KLHDC2: variants seen among roughly 807,000 people sequenced by gnomAD.
The protein encoded by KLHDC2 is kelch domain containing 2.
Under a neutral mutation model 62.3 loss-of-function variants are expected in KLHDC2, and 38 were observed. That is an observed-to-expected ratio of 0.61 (90% CI 0.47 to 0.80). The LOEUF (loss-of-function observed/expected upper bound fraction) is 0.80. Ranked by LOEUF, KLHDC2 falls within the 30% of genes least tolerant of loss-of-function variation. KLHDC2 has a pLI of 0.00. For missense variants in KLHDC2, 430 were observed against 495.3 expected, an observed-to-expected ratio of 0.87 and a Z score of 1.25; for synonymous variants, 159 against 161.0, an observed-to-expected ratio of 0.99 and a Z score of 0.09.
At chr14:49,774,723 T>C (rs1414987381) in intron 3 of KLHDC2, 45 bp downstream of exon 3, 14 of 1,173,120 alleles carry the variant, frequency 1.2e-5, no homozygotes, top group East Asian at 2.3e-5. Flanking sequence ...TTTATTCTTA[T>C]TATCTTTCAA....
At chr14:49,774,495 G>T in intron 2 of KLHDC2, 66 bp from the exon 3 acceptor site, 1 of 1,013,212 alleles carries the variant, frequency 9.9e-7, no homozygotes, top group Non-Finnish European at 1.6e-6. Context: ...AGTAGAAGAA[G>T]AAAAATTAAT....
intron 3 of KLHDC2, among the ~76,000 whole-genome samples, chr14:49,775,336 G>A (rs1271341490): frequency 1.3e-5 from 2 of 152,180 alleles, no homozygotes; most frequent in African/African-American, 4.8e-5. Context: ...GCTGGACACT[G>A]GAGACAGAAA....
chr14:49,768,297 G>A lies in KLHDC2; in HGVS notation c.-172G>A. ...CCGGCGGCGGCGGAGAGCCGTCCTC[G>A]GCCGAGGAGGCTGGGAAACGCGAGC... On this transcript the variant is annotated 5_prime_UTR_variant, in exon 1 of 13. Coordinates refer to ENST00000298307, the MANE Select transcript of KLHDC2 (RefSeq NM_014315.3). 3.0e-6 allele frequency: 2 copies of A among 669,192 alleles called. No homozygotes were observed. Among genetic ancestry groups the A allele is most frequent in the Non-Finnish European group, 4.7e-6 (2 of 425,718 alleles). The allele number at this position is 669,192 out of a possible 1,614,324, so 41.5% of individuals were successfully genotyped here. A position where few individuals can be genotyped will look rare whatever the true frequency, so the allele number is the denominator to read the frequency against.
In KLHDC2 at chr14:49,777,858, G is replaced by T; in HGVS notation, c.371G>T (p.Arg124Met). The T allele has an allele frequency of 6.3e-7, 1 of 1,591,534 alleles. No individual in the cohort carries two copies. The highest frequency in any genetic ancestry group is 8.6e-7 in the Non-Finnish European group (1 of 1,168,530). Residue 124 changes from arginine (R) to methionine (M), a missense_variant, in exon 4 of 13, where the codon AGG becomes ATG. By Grantham distance (91) the Arg-to-Met change is moderately conservative. Coordinates refer to ENST00000298307, the MANE Select transcript of KLHDC2 (RefSeq NM_014315.3). The part of the protein sequence containing the change: ...NTNKFYMLDS[R>M]STDRVLQWER... ...TGACAGTTCTACATGCTGGATTCAA[G>T]GTCTACAGACAGAGTGTTACAGTGG...
intron 6 of KLHDC2, 67 bp downstream of exon 6, chr14:49,778,561 G>GGGGGGGGGGGGTGGGGA: frequency 3.4e-6 from 1 of 297,528 alleles, no homozygotes; most frequent in Non-Finnish European, 7.1e-6. Flanking sequence ...TGGGGTAGGG[G>GGGGGGGGGGGGTGGGGA]AGAGGGGTGC....
rs1453554261 is a variant in KLHDC2, at chr14:49,782,394, C to A, written c.981C>A (p.Ser327Arg). The A allele has an allele frequency of 6.2e-7, 1 of 1,612,270 alleles. No individual in the cohort carries two copies. Among genetic ancestry groups the A allele is most frequent in the Non-Finnish European group, 8.5e-7 (1 of 1,178,686 alleles). Residue 327 changes from serine (S) to arginine (R), a missense_variant, in exon 11 of 13, where the codon AGC becomes AGA. Transcript: ENST00000298307. ...KPRLWHTACA[S>R]DEGEVIVFGG... ...GGTTATGGCACACAGCTTGTGCCAG[C>A]GATGAAGGAGAAGTAATTGTTTTTG...
chr14:49,772,197 G>A (rs1889678947), intron 2 of KLHDC2, among the ~76,000 whole-genome samples: 1 of 151,964 alleles, frequency 6.6e-6, no homozygotes, highest in African/African-American at 2.4e-5. Flanking sequence ...AGATGTAGAG[G>A]CTTCAGATCC....
intron 2 of KLHDC2, among the ~76,000 whole-genome samples, chr14:49,773,603 G>C (rs1396514976): frequency 3.8e-5 from 5 of 132,318 alleles, no homozygotes; most frequent in Non-Finnish European, 7.8e-5. Flanking sequence ...ATGAGAGGGA[G>C]TCTCACTCTG....
chr14:49,778,103 G>A, intron 4 of KLHDC2, 75 bp from the exon 5 acceptor site: 1 of 1,022,064 alleles, frequency 9.8e-7, no homozygotes, highest in Non-Finnish European at 1.5e-6. Context: ...ATTTAACACA[G>A]CACCTAAGAT....
intron 2 of KLHDC2, among the ~76,000 whole-genome samples, chr14:49,772,501 AGTC>A (rs1420684343): frequency 2.6e-5 from 4 of 152,254 alleles, no homozygotes; most frequent in African/African-American, 9.6e-5. Context: ...TAACAGTAGT[AGTC>A]AAGAGCATGT....
At chr14:49,773,644 T>G (rs1290817941) in intron 2 of KLHDC2, among the ~76,000 whole-genome samples, 1 of 145,924 alleles carries the variant, frequency 6.9e-6, no homozygotes, top group Non-Finnish European at 1.5e-5. Flanking sequence ...TGGCGCAATC[T>G]CGACTCGCTG....
chr14:49,781,075 A>T (rs1889888583), intron 10 of KLHDC2, among the ~76,000 whole-genome samples: 1 of 152,242 alleles, frequency 6.6e-6, no homozygotes, highest in Non-Finnish European at 1.5e-5. Context: ...ATCTAAGTTT[A>T]TTAAAAATGA....
chr14:49,785,659 G>A lies in KLHDC2; in HGVS notation c.*2706G>A, dbSNP rs557753802. The A allele has an allele frequency of 6.1e-5, 14 of 230,038 alleles. No individual in the cohort carries two copies. In the East Asian group the frequency reaches 7.4e-4, roughly 12 times the overall value. The allele number at this position is 230,038 out of a possible 1,614,324, so 14.2% of individuals were successfully genotyped here. ...GACTCTGGAAGGCTCAGGCTGAGGC[G>A]GGTGGATCGCTTGAGCCCAGGAGTT... On this transcript the variant is annotated 3_prime_UTR_variant, in exon 13 of 13. Transcript: ENST00000298307.
chr14:49,782,076 A>G, intron 10 of KLHDC2: 1 of 341,696 alleles, frequency 2.9e-6, no homozygotes, highest in East Asian at 5.1e-5. Context: ...GGCATATACT[A>G]CTCAGCTCCC....
chr14:49,785,016 A>T lies in KLHDC2; in HGVS notation c.*2063A>T. On this transcript the variant is annotated 3_prime_UTR_variant, in exon 13 of 13. Transcript: ENST00000298307. ...GGCTGTTTTTGCAGCTGTAAATACA[A>T]AAAAGAGTAAGAATAATCTACTGTT... 6.2e-7 allele frequency: 1 copy of T among 1,612,246 alleles called. No individual in the cohort carries two copies. Among genetic ancestry groups the T allele is most frequent in the South Asian group, 1.1e-5 (1 of 91,032 alleles).
At position 49,780,793 on chromosome 14, in the gene KLHDC2, A is replaced by G. The variant is rs1889880156; in HGVS notation, c.956+18A>G. 6.6e-6 allele frequency: 8 copies of G among 1,207,358 alleles called. No homozygotes were observed. The highest frequency in any genetic ancestry group is 1.5e-5 in the African/African-American group (1 of 67,190). 74.8% of individuals were successfully genotyped at this position (1,207,358 alleles called of 1,614,324 possible). On this transcript the variant is annotated intron_variant, in intron 10 of 12. Transcript: ENST00000298307. ...AAACCAAGGTATTTAAAAGCAATTC[A>G]TATACTGAATATGCATAAGACATAA...
intron 8 of KLHDC2, 178 bp from the exon 9 acceptor site, chr14:49,780,035 A>G (rs1360526640): frequency 3.2e-6 from 2 of 620,876 alleles, no homozygotes; most frequent in African/African-American, 1.8e-5. Flanking sequence ...AAAGGTCTGA[A>G]GTTGATTCTA....
intron 8 of KLHDC2, 98 bp from the exon 9 acceptor site, chr14:49,780,115 C>G (rs990054062): frequency 6.4e-5 from 51 of 791,670 alleles, no homozygotes; most frequent in Non-Finnish European, 1.0e-4. Context: ...CTTAAGGTCT[C>G]TTTTTTCATA....
At chr14:49,773,555 A>G (rs1296424960) in intron 2 of KLHDC2, among the ~76,000 whole-genome samples, 1 of 143,642 alleles carries the variant, frequency 7.0e-6, no homozygotes, top group African/African-American at 2.6e-5. Context: ...CCCTGTTTCT[A>G]TTTAAAAATA....
Sources: gnomAD v4.1 joint callset for allele counts (sites outside exome capture counted in the v4.1 genomes callset) on GRCh38, gnomAD v4.1.1 for gene constraint, MANE v1.5 for transcripts, NCBI Gene and HGNC (gene_info 2026-07-23, HGNC 2026-07-21) for gene names.